The following DIAPH3 variants were observed in gnomAD, a reference collection of about 807,000 sequenced individuals.
DIAPH3 encodes diaphanous related formin 3.
A neutral mutation model predicts 144.3 loss-of-function variants in DIAPH3; 117 were observed. That is an observed-to-expected ratio of 0.81 (90% CI 0.70 to 0.95). DIAPH3 has a LOEUF of 0.95. DIAPH3 is among the 40% of genes least tolerant of loss of function. The pLI is 0.00. For synonymous variants in DIAPH3, 519 were observed against 488.9 expected, an observed-to-expected ratio of 1.06 and a Z score of -0.81; for missense variants, 1,421 against 1,412.7, an observed-to-expected ratio of 1.01 and a Z score of -0.09.
intron 17 of DIAPH3, among the ~76,000 whole-genome samples, chr13:59,959,263 G>C (rs528067399): frequency 1.3e-5 from 2 of 152,254 alleles, no homozygotes; most frequent in South Asian, 2.1e-4. Context: ...TCCTATAAAA[G>C]GAATGCAAGC....
At chr13:59,941,978 TC>T (rs1456229934) in intron 17 of DIAPH3, among the ~76,000 whole-genome samples, 1 of 152,180 alleles carries the variant, frequency 6.6e-6, no homozygotes, top group African/African-American at 2.4e-5. Context: ...TAACATCTTA[TC>T]CCCATACTTA....
rs747484242 is a variant in DIAPH3 at position 60,016,105 on chromosome 13, A to G, written c.667T>C (p.Leu223=). The change falls in exon 6 of 28, where the codon TTA becomes CTA. Residue 223 remains leucine (L), a synonymous_variant. Coordinates refer to ENST00000400324, the MANE Select transcript of DIAPH3 (RefSeq NM_001042517.2). ...SFGHEGLGLL[L]DILEKLISGK... is the part of the protein sequence containing the mutation. ...CTAATCAGTTTTTCCAAAATGTCTA[A>G]TAATAATCCAAGCCCTTCATGTCCA... The G allele has an allele frequency of 3.1e-6, 5 of 1,613,774 alleles. No homozygotes were observed. The highest frequency in any genetic ancestry group is 4.2e-6 in the Non-Finnish European group (5 of 1,179,848).
At chr13:59,963,389 T>C (rs757833660) in intron 17 of DIAPH3, among the ~76,000 whole-genome samples, 9 of 152,198 alleles carry the variant, frequency 5.9e-5, no homozygotes, top group Non-Finnish European at 1.2e-4. Context: ...GAATATACTA[T>C]ACTGTTTAAC....
intron 27 of DIAPH3, among the ~76,000 whole-genome samples, chr13:59,706,321 C>G (rs1475847713): frequency 6.6e-6 from 1 of 152,072 alleles, no homozygotes; most frequent in Non-Finnish European, 1.5e-5. Context: ...AACTGCACAT[C>G]TTTTACATCA....
intron 17 of DIAPH3, among the ~76,000 whole-genome samples, chr13:59,941,629 A>G (rs1368901173): frequency 6.6e-6 from 1 of 152,164 alleles, no homozygotes; most frequent in Non-Finnish European, 1.5e-5. Flanking sequence ...GCTTGTGACA[A>G]TATCTTGCTT....
rs556561911 is a variant in DIAPH3, at chr13:59,880,348, G to T, written c.2368-880C>A. ...TTGGGACTTAAAACGCACTGAAGGG[G>T]CGGTAATAGTAAAATTGTTGAACTT... On this transcript the variant is annotated intron_variant, in intron 20 of 27. Coordinates refer to ENST00000400324, the MANE Select transcript of DIAPH3 (RefSeq NM_001042517.2). Among the ~76,000 whole-genome samples the T allele has an allele frequency of 8.5e-5, 13 of 152,202 alleles. No individual in the cohort carries two copies. The East Asian group carries it at 1.9e-3, about 23-fold the overall frequency.
chr13:60,044,865 TAGTC>T (rs1411865229), intron 4 of DIAPH3, among the ~76,000 whole-genome samples: 1 of 152,128 alleles, frequency 6.6e-6, no homozygotes, highest in Non-Finnish European at 1.5e-5. Flanking sequence ...GTCCTCATGA[TAGTC>T]AGTGAGTTCT....
Position 59,839,416 on chromosome 13 carries a change from G to A in DIAPH3, c.2770C>T (p.Gln924Ter). The A allele has an allele frequency of 1.2e-6, 2 of 1,613,548 alleles. No homozygotes were observed. The highest frequency in any genetic ancestry group is 1.7e-6 in the Non-Finnish European group (2 of 1,179,744). Residue 924 changes from glutamine to a stop codon, truncating the protein, a stop_gained, in exon 23 of 28, where the codon CAG becomes TAG. Coordinates refer to ENST00000400324, the MANE Select transcript of DIAPH3 (RefSeq NM_001042517.2). LOFTEE classifies it high-confidence loss of function. ...AGCTGTTGAAGCTGCCTTCCCATCT[G>A]CCTCAAATTCTTTTCCAGCGTTTCT... ...SVETLEKNLRQMGRQLQQLEK... is the reference protein window; with the variant it reads ...SVETLEKNLR
intron 17 of DIAPH3, among the ~76,000 whole-genome samples, chr13:59,963,857 C>T (rs1435970853): frequency 6.6e-6 from 1 of 152,084 alleles, no homozygotes; most frequent in African/African-American, 2.4e-5. Flanking sequence ...TGTGCCCAGC[C>T]TCAAAATATT....
intron 27 of DIAPH3, among the ~76,000 whole-genome samples, chr13:59,685,908 T>C (rs1223476539): frequency 6.6e-6 from 1 of 152,116 alleles, no homozygotes; most frequent in Admixed American, 6.6e-5. Context: ...TATTTTGAAA[T>C]TCCTGTGTTT....
chr13:60,068,105 T>G (rs199776082), intron 4 of DIAPH3, among the ~76,000 whole-genome samples: 4 of 152,192 alleles, frequency 2.6e-5, no homozygotes, highest in African/African-American at 9.6e-5. Flanking sequence ...TAGTCTTAAT[T>G]CACTTCACCA....
chr13:59,793,772 G>A (rs2039440376), intron 25 of DIAPH3, among the ~76,000 whole-genome samples: 2 of 152,184 alleles, frequency 1.3e-5, no homozygotes, highest in Admixed American at 1.3e-4. Context: ...TCCAACTAGG[G>A]TGACCAACCA....
At chr13:59,861,279 T>C in intron 22 of DIAPH3, 128 bp downstream of exon 22, 1 of 1,553,592 alleles carries the variant, frequency 6.4e-7, no homozygotes, top group Non-Finnish European at 8.7e-7. Context: ...CTCTTTATTT[T>C]TAAAATGAGA....
At chr13:59,922,080 T>C (rs1225171976) in intron 18 of DIAPH3, among the ~76,000 whole-genome samples, 1 of 152,052 alleles carries the variant, frequency 6.6e-6, no homozygotes, top group African/African-American at 2.4e-5. Flanking sequence ...GCGTTATATA[T>C]GACAAACATA....
At chr13:59,702,969 A>G (rs1169203940) in intron 27 of DIAPH3, among the ~76,000 whole-genome samples, 1 of 152,096 alleles carries the variant, frequency 6.6e-6, no homozygotes, top group Non-Finnish European at 1.5e-5. Flanking sequence ...TCATCTCTCC[A>G]TTTGAAACTG....
chr13:59,851,113 T>C (rs986085443), intron 22 of DIAPH3, among the ~76,000 whole-genome samples: 2 of 151,914 alleles, frequency 1.3e-5, no homozygotes, highest in Non-Finnish European at 2.9e-5. Flanking sequence ...TGAACATTGA[T>C]GCAAAACTCC....
chr13:60,065,684 T>C (rs1015197847), intron 4 of DIAPH3, among the ~76,000 whole-genome samples: 1 of 152,188 alleles, frequency 6.6e-6, no homozygotes, highest in African/African-American at 2.4e-5. Flanking sequence ...CTGGAGTTGA[T>C]CTTTAAAAAA....
intron 2 of DIAPH3, among the ~76,000 whole-genome samples, chr13:60,126,162 G>C (rs2058984786): frequency 6.6e-6 from 1 of 151,976 alleles, no homozygotes; most frequent in Non-Finnish European, 1.5e-5. Context: ...AAGAATAGTA[G>C]AATCAGGAAA....
intron 24 of DIAPH3, among the ~76,000 whole-genome samples, chr13:59,820,797 A>G (rs1759963): frequency 2.7e-5 from 4 of 150,100 alleles, no homozygotes; most frequent in East Asian, 1.9e-4. Flanking sequence ...ATACTATTTA[A>G]TGTTATAATA....
Sources: gnomAD v4.1 joint callset for allele counts (sites outside exome capture counted in the v4.1 genomes callset) on GRCh38, gnomAD v4.1.1 for gene constraint, MANE v1.5 for transcripts, NCBI Gene and HGNC (gene_info 2026-07-23, HGNC 2026-07-21) for gene names.